The following CWC27 variants were observed in gnomAD, a reference collection of about 807,000 sequenced individuals.
CWC27 encodes CWC27 spliceosome associated cyclophilin, also known as spliceosome-associated protein CWC27 homolog.
In CWC27, 47 loss-of-function variants were observed where a neutral mutation model predicts 63.6. The ratio of observed to expected loss-of-function variants is 0.74; its 90% CI spans 0.58 to 0.94. CWC27 has a LOEUF of 0.94. Ranked by LOEUF, CWC27 falls within the 40% of genes least tolerant of loss-of-function variation. The pLI, the probability that CWC27 is intolerant of heterozygous loss-of-function variation, is 0.00. For missense variants in CWC27, 495 were observed against 554.3 expected, an observed-to-expected ratio of 0.89 and a Z score of 1.07; for synonymous variants, 175 against 179.8, an observed-to-expected ratio of 0.97 and a Z score of 0.22.
chr5:64,772,986 C>G (rs888238738), intron 1 of CWC27, among the ~76,000 whole-genome samples: 5 of 150,248 alleles, frequency 3.3e-5, no homozygotes, highest in Non-Finnish European at 7.4e-5. Flanking sequence ...TTTTTCATAA[C>G]GACTAGCCAA....
chr5:64,940,842 C>CTTTTTTTTTTTTTTT (rs70983655), intron 11 of CWC27, among the ~76,000 whole-genome samples: 1 of 64,964 alleles, frequency 1.5e-5, no homozygotes, highest in African/African-American at 5.5e-5. Context: ...TTCTTTCTTT[C>CTTTTTTTTTTTTTTT]TTTTTTTTTT....
At chr5:65,004,908 A>G (rs1749810965) in intron 13 of CWC27, among the ~76,000 whole-genome samples, 1 of 76,450 alleles carries the variant, frequency 1.3e-5, no homozygotes. Context: ...ATATATATAC[A>G]TACACACACA....
chr5:64,821,660 T>C (rs1449360109), intron 10 of CWC27, among the ~76,000 whole-genome samples: 1 of 152,208 alleles, frequency 6.6e-6, no homozygotes, highest in African/African-American at 2.4e-5. Context: ...CTGCTCTCTT[T>C]ACCATAGGAT....
chr5:64,948,457 G>A (rs1410710073), intron 11 of CWC27, among the ~76,000 whole-genome samples: 9 of 151,202 alleles, frequency 6.0e-5, no homozygotes, highest in African/African-American at 2.2e-4. Flanking sequence ...TATATATGTA[G>A]AGCTTAGATG....
chr5:64,847,520 T>G (rs1365216118), intron 10 of CWC27, among the ~76,000 whole-genome samples: 1 of 152,176 alleles, frequency 6.6e-6, no homozygotes, highest in Non-Finnish European at 1.5e-5. Flanking sequence ...ACTGTAACAA[T>G]ACTTTTGACC....
chr5:64,990,759 A>G (rs1749524084), intron 13 of CWC27, among the ~76,000 whole-genome samples: 1 of 152,158 alleles, frequency 6.6e-6, no homozygotes. Flanking sequence ...TTTCCCTAAG[A>G]TGTCATTTAA....
chr5:64,795,452 A>G (rs1033512810), intron 7 of CWC27, among the ~76,000 whole-genome samples: 2 of 152,156 alleles, frequency 1.3e-5, no homozygotes, highest in African/African-American at 4.8e-5. Context: ...GAAGTCTGCA[A>G]TAGGTTTCAC....
intron 10 of CWC27, among the ~76,000 whole-genome samples, chr5:64,862,754 T>A (rs1247312377): frequency 1.3e-5 from 2 of 152,142 alleles, no homozygotes; most frequent in Middle Eastern, 3.2e-3. Flanking sequence ...CAAAATACCA[T>A]CAACTGGGTG....
At chr5:64,959,682 A>T (rs1263671798) in intron 11 of CWC27, among the ~76,000 whole-genome samples, 1 of 152,220 alleles carries the variant, frequency 6.6e-6, no homozygotes, top group African/African-American at 2.4e-5. Context: ...CTATTGAAAA[A>T]GTATTTGTAT....
At chr5:64,975,929 A>G (rs1180460828) in intron 12 of CWC27, among the ~76,000 whole-genome samples, 1 of 152,028 alleles carries the variant, frequency 6.6e-6, no homozygotes, top group African/African-American at 2.4e-5. Context: ...TTAGCTGGGC[A>G]TGGTGGCACG....
At chr5:64,943,076 C>T (rs566606526) in intron 11 of CWC27, among the ~76,000 whole-genome samples, 2 of 151,890 alleles carry the variant, frequency 1.3e-5, no homozygotes, top group East Asian at 3.9e-4. Flanking sequence ...TAAAACAGGG[C>T]ATCAGGTATG....
chr5:64,970,958 AGTGTGTGTGTGT>A (rs57958257), intron 11 of CWC27, among the ~76,000 whole-genome samples: 70 of 143,510 alleles, frequency 4.9e-4, no homozygotes, highest in African/African-American at 1.2e-3. Context: ...AGAGAGAGGG[AGTGTGTGTGTGT>A]GTGTGTGTGT....
intron 10 of CWC27, among the ~76,000 whole-genome samples, chr5:64,853,706 T>G (rs758587652): frequency 2.0e-5 from 3 of 152,098 alleles, no homozygotes; most frequent in Non-Finnish European, 2.9e-5. Context: ...CCAGATCTCG[T>G]GAGAACTCAC....
chr5:64,954,016 A>G (rs1748758166), intron 11 of CWC27, among the ~76,000 whole-genome samples: 1 of 152,160 alleles, frequency 6.6e-6, no homozygotes, highest in African/African-American at 2.4e-5. Context: ...TTTAAAACAA[A>G]AGTTAATCTT....
chr5:64,910,597 G>A (rs1355233979), intron 11 of CWC27, among the ~76,000 whole-genome samples: 4 of 152,220 alleles, frequency 2.6e-5, no homozygotes, highest in Non-Finnish European at 5.9e-5. Context: ...GAGCTGCGGT[G>A]GGCTCCACCC....
intron 11 of CWC27, 42 bp from the exon 12 acceptor site, chr5:64,971,661 C>T (rs1225547310): frequency 2.1e-6 from 3 of 1,434,534 alleles, no homozygotes; most frequent in African/African-American, 2.9e-5. Context: ...ATCCACAGAG[C>T]TATTTTACTG....
chr5:64,978,104 A>G (rs1749263021), intron 13 of CWC27, among the ~76,000 whole-genome samples: 1 of 152,192 alleles, frequency 6.6e-6, no homozygotes, highest in Non-Finnish European at 1.5e-5. Flanking sequence ...CAACACTCCC[A>G]TCCTTCAGGA....
At chr5:64,982,005 C>T (rs892849063) in intron 13 of CWC27, among the ~76,000 whole-genome samples, 3 of 152,180 alleles carry the variant, frequency 2.0e-5, no homozygotes, top group Non-Finnish European at 4.4e-5. Flanking sequence ...CAGTTTGCAT[C>T]TGCTAGAGAT....
intron 7 of CWC27, 144 bp from the exon 8 acceptor site, chr5:64,800,104 C>T (rs1744436643): frequency 4.2e-6 from 2 of 475,292 alleles, no homozygotes; most frequent in Non-Finnish European, 7.4e-6. Flanking sequence ...ACTTATAAAA[C>T]TTTAGTTTGT....
Sources: allele counts gnomAD v4.1 joint callset (sites outside exome capture counted in the v4.1 genomes callset), GRCh38; gene constraint gnomAD v4.1.1; transcripts MANE v1.5; gene names NCBI Gene and HGNC (gene_info 2026-07-23, HGNC 2026-07-21).